The following ULK4 variants were observed in gnomAD, a reference collection of about 807,000 sequenced individuals.
ULK4 encodes unc-51 like kinase 4, also known as inactive serine/threonine-protein kinase ULK4.
Under a neutral mutation model 160.6 loss-of-function variants are expected in ULK4, and 133 were observed. The observed-to-expected ratio is 0.83, with a 90% CI of 0.72 to 0.96. ULK4 has a LOEUF of 0.96. ULK4 is among the 40% of genes least tolerant of loss of function. The probability of loss-of-function intolerance (pLI) is 0.00; values close to 1 mark genes in which losing one functional copy is unlikely to be tolerated. For synonymous variants in ULK4, 534 were observed against 539.8 expected (o/e 0.99, Z 0.15); for missense variants, 1,580 against 1,499.5 (o/e 1.05, Z -0.89).
chr3:41,608,603 T>C (rs1269952209), intron 31 of ULK4, among the ~76,000 whole-genome samples: 2 of 152,212 alleles, frequency 1.3e-5, no homozygotes, highest in Non-Finnish European at 2.9e-5. Context: ...GAACTCCAAA[T>C]ACAAATGTTT....
At chr3:41,678,569 C>A (rs2035813921) in intron 29 of ULK4, among the ~76,000 whole-genome samples, 1 of 152,128 alleles carries the variant, frequency 6.6e-6, no homozygotes, top group Non-Finnish European at 1.5e-5. Flanking sequence ...AGAAATCAAG[C>A]CCCTAAATCC....
intron 2 of ULK4, among the ~76,000 whole-genome samples, chr3:41,942,735 T>C (rs1245859407): frequency 2.0e-5 from 3 of 151,932 alleles, no homozygotes; most frequent in Admixed American, 2.0e-4. Context: ...GAGAATCGCT[T>C]GAACCCGGGA....
rs572514413 is a variant in ULK4 at position 41,890,582 on chromosome 3, A to C, written c.1577+4936T>G. On this transcript the variant is annotated intron_variant, in intron 16 of 36. Coordinates refer to ENST00000301831, the MANE Select transcript of ULK4 (RefSeq NM_017886.4). Reference sequence around the variant, plus strand: ...GTAATCCCAGCTACTCGGGAGGCTGAGGCAGGAGAATCCTTGAACCCGGGA... The same window carrying C: ...GTAATCCCAGCTACTCGGGAGGCTGCGGCAGGAGAATCCTTGAACCCGGGA... 2.2e-4 allele frequency among the ~76,000 whole-genome samples: 34 copies of C among 151,490 alleles called. No homozygotes were observed. The Middle Eastern group carries it at 0.017, about 76-fold the overall frequency.
intron 30 of ULK4, among the ~76,000 whole-genome samples, chr3:41,635,047 C>T (rs535910233): frequency 3.3e-5 from 5 of 152,126 alleles, no homozygotes; most frequent in African/African-American, 4.8e-5. Flanking sequence ...GAAATGAAAA[C>T]GGTCAAAAAG....
At chr3:41,953,304 A>ATAT (rs1181182812) in intron 2 of ULK4, among the ~76,000 whole-genome samples, 10,497 of 124,788 alleles carry the variant, frequency 0.084, 682 homozygotes, top group Middle Eastern at 0.19. Context: ...ATATATATAT[A>ATAT]TTTTTTTTTT....
chr3:41,943,624 C>T (rs958068462), intron 2 of ULK4, among the ~76,000 whole-genome samples: 2 of 152,178 alleles, frequency 1.3e-5, no homozygotes, highest in African/African-American at 2.4e-5. Flanking sequence ...TCCTCTCCTA[C>T]CTCCTAACTG....
At chr3:41,659,942 GA>G (rs201946098) in intron 30 of ULK4, among the ~76,000 whole-genome samples, 3 of 150,536 alleles carry the variant, frequency 2.0e-5, no homozygotes, top group African/African-American at 4.9e-5. Context: ...ACAGTTTAGT[GA>G]AAAAAAAATC....
intron 35 of ULK4, among the ~76,000 whole-genome samples, chr3:41,358,861 G>A (rs540388401): frequency 6.6e-6 from 1 of 152,278 alleles, no homozygotes; most frequent in Admixed American, 6.5e-5. Flanking sequence ...GAACTGGGGT[G>A]GGGGTGAGGG....
intron 31 of ULK4, among the ~76,000 whole-genome samples, chr3:41,573,025 T>A (rs2088058144): frequency 6.6e-6 from 1 of 152,138 alleles, no homozygotes; most frequent in Non-Finnish European, 1.5e-5. Flanking sequence ...ATTTAACTCC[T>A]TCATCCATAA....
intron 32 of ULK4, among the ~76,000 whole-genome samples, chr3:41,492,146 G>A (rs1274530778): frequency 6.7e-6 from 1 of 150,290 alleles, no homozygotes; most frequent in African/African-American, 2.4e-5. Flanking sequence ...GGACATTTGG[G>A]TCGGGTCCAA....
intron 6 of ULK4, 46 bp downstream of exon 6, chr3:41,919,671 G>A (rs1347501485): frequency 6.6e-7 from 1 of 1,508,780 alleles, no homozygotes; most frequent in Admixed American, 1.7e-5. Context: ...ACTTAACCTG[G>A]TTTTTAGTCC....
intron 30 of ULK4, among the ~76,000 whole-genome samples, chr3:41,627,306 A>C (rs2033560263): frequency 6.6e-6 from 1 of 152,222 alleles, no homozygotes; most frequent in African/African-American, 2.4e-5. Context: ...AGCTCCCCCA[A>C]GAATGACAGG....
rs533734016 is a variant in ULK4, at chr3:41,497,437, G to A, written c.3227-34184C>T. 2.0e-5 allele frequency among the ~76,000 whole-genome samples: 3 copies of A among 152,062 alleles called. 1 individual carries two copies. The South Asian group carries it at 6.2e-4, about 32-fold the overall frequency. On this transcript the variant is annotated intron_variant, in intron 32 of 36. Coordinates refer to ENST00000301831, the MANE Select transcript of ULK4 (RefSeq NM_017886.4). ...TATATCTATATACATAATAATTGGG[G>A]TTCAAGAGGAAAAAGAAAGAATGGA...
chr3:41,836,885 C>T (rs948945299), intron 17 of ULK4, among the ~76,000 whole-genome samples: 1 of 152,038 alleles, frequency 6.6e-6, no homozygotes, highest in Non-Finnish European at 1.5e-5. Context: ...AATCATAGTG[C>T]GACCATGATT....
intron 31 of ULK4, among the ~76,000 whole-genome samples, chr3:41,611,336 C>T (rs2032667030): frequency 6.6e-6 from 1 of 152,194 alleles, no homozygotes; most frequent in Admixed American, 6.5e-5. Flanking sequence ...GCTCCCACAA[C>T]AGCAATTTTT....
rs756917426 is a variant in ULK4 at position 41,954,706 on chromosome 3, G to GACA, written c.51_53dup (p.Val18dup). On this transcript the variant is annotated inframe_insertion, in exon 2 of 37. Coordinates refer to ENST00000301831, the MANE Select transcript of ULK4 (RefSeq NM_017886.4). ...TTGTTCCCTTCCGTCGCCCTTTATA[G>GACA]ACAACAGTCTTGCTTCCTCTTCCGA... 6.2e-7 allele frequency: 1 copy of GACA among 1,613,866 alleles called. No individual in the cohort carries two copies. Among genetic ancestry groups the GACA allele is most frequent in the Non-Finnish European group, 8.5e-7 (1 of 1,179,916 alleles).
intron 7 of ULK4, 122 bp from the exon 8 acceptor site, chr3:41,916,174 G>T: frequency 1.6e-6 from 1 of 614,232 alleles, no homozygotes. Context: ...ATTATTAAGA[G>T]AACACTAAAT....
rs1280888991 is a variant in ULK4 at position 41,299,181 on chromosome 3, T to C, written c.3679-49607A>G. On this transcript the variant is annotated intron_variant, in intron 35 of 36. Transcript: ENST00000301831. ...ACTTCAGTTCTCTCCTTTGGGTCTATGTCTATGAGAACAAGCCTGGGCTAT... is the reference window on the plus strand; with the variant it reads ...ACTTCAGTTCTCTCCTTTGGGTCTACGTCTATGAGAACAAGCCTGGGCTAT... Among the ~76,000 whole-genome samples, 3 of 152,198 alleles carry C rather than the reference T, an allele frequency of 2.0e-5. No individual in the cohort carries two copies. The East Asian group carries it at 5.8e-4, about 29-fold the overall frequency.
At chr3:41,311,244 G>A (rs2080042533) in intron 35 of ULK4, among the ~76,000 whole-genome samples, 1 of 152,176 alleles carries the variant, frequency 6.6e-6, no homozygotes, top group Non-Finnish European at 1.5e-5. Flanking sequence ...TTGATCCAGG[G>A]TGTGTCCGTG....
Sources: allele counts gnomAD v4.1 joint callset (sites outside exome capture counted in the v4.1 genomes callset), GRCh38; gene constraint gnomAD v4.1.1; transcripts MANE v1.5; gene names NCBI Gene and HGNC (gene_info 2026-07-23, HGNC 2026-07-21).